The following PARN variants were observed in gnomAD, a reference collection of about 807,000 sequenced individuals.
The protein encoded by PARN is poly(A)-specific ribonuclease PARN.
A neutral mutation model predicts 102.8 loss-of-function variants in PARN; 71 were observed. The ratio of observed to expected loss-of-function variants is 0.69; its 90% CI spans 0.57 to 0.84. The LOEUF (loss-of-function observed/expected upper bound fraction) is 0.84, where lower values mean the gene tolerates loss of function less well. Among genes scored for constraint, PARN ranks in the 40% least tolerant of loss-of-function variants. The probability of loss-of-function intolerance (pLI) is 0.00; values close to 1 mark genes in which losing one functional copy is unlikely to be tolerated. For missense variants in PARN, 782 were observed against 760.9 expected, an observed-to-expected ratio of 1.03 and a Z score of -0.33; for synonymous variants, 261 against 252.9, an observed-to-expected ratio of 1.03 and a Z score of -0.30.
intron 6 of PARN, 28 bp from the exon 7 acceptor site, chr16:14,610,837 T>A (rs905070625): frequency 6.9e-7 from 1 of 1,452,482 alleles, no homozygotes; most frequent in African/African-American, 1.4e-5. Flanking sequence ...AAGAATGCAT[T>A]AGCAGAAGTA....
chr16:14,629,727 G>T, intron 1 of PARN, 53 bp from the exon 2 acceptor site: 1 of 1,366,454 alleles, frequency 7.3e-7, no homozygotes, highest in Non-Finnish European at 1.0e-6. Flanking sequence ...TTCCTGCTAA[G>T]GGGAGAGGGA....
At chr16:14,560,156 T>C (rs1967962721) in intron 18 of PARN, among the ~76,000 whole-genome samples, 2 of 152,174 alleles carry the variant, frequency 1.3e-5, no homozygotes, top group South Asian at 4.1e-4. Context: ...AACTTGACAG[T>C]TTTCATCCTA....
chr16:14,456,941 A>G (rs561923937), intron 22 of PARN, among the ~76,000 whole-genome samples: 23 of 151,912 alleles, frequency 1.5e-4, no homozygotes, highest in African/African-American at 2.7e-4. Context: ...TTACTTATCT[A>G]TTCTCTCTCT....
chr16:14,479,956 T>C (rs1963288733), intron 22 of PARN, among the ~76,000 whole-genome samples: 1 of 149,196 alleles, frequency 6.7e-6, no homozygotes. Context: ...ACTGCAACCT[T>C]AGGGTAGACA....
rs1441379884 is a variant in PARN, at chr16:14,446,937, C to G, written c.1815G>C (p.Arg605Ser). ...DSCAEPLSEG[R>S]KKAKKLKRMK... ...TTCTTTTTAATTTCTTGGCCTTTTT[C>G]CTTCCCTCTGAGAGGGGCTCTGCAC... Residue 605 changes from arginine to serine, a missense_variant, in exon 23 of 24, where the codon AGG becomes AGC. Arg to Ser is a moderately radical substitution (Grantham distance 110, BLOSUM62 -1). Transcript: ENST00000437198. 6.2e-7 allele frequency: 1 copy of G among 1,612,948 alleles called. No homozygotes were observed. Among genetic ancestry groups the G allele is most frequent in the Non-Finnish European group, 8.5e-7 (1 of 1,179,550 alleles).
chr16:14,471,271 G>C (rs1008929330), intron 22 of PARN, among the ~76,000 whole-genome samples: 3 of 152,014 alleles, frequency 2.0e-5, no homozygotes, highest in Non-Finnish European at 4.4e-5. Flanking sequence ...AGATCTAAAA[G>C]GCATTTTAAT....
chr16:14,565,338 T>C (rs564390782), intron 18 of PARN, among the ~76,000 whole-genome samples: 16 of 150,924 alleles, frequency 1.1e-4, no homozygotes, highest in Non-Finnish European at 2.1e-4. Flanking sequence ...TTTTGACAAA[T>C]AGAGCGTTAC....
chr16:14,468,393 T>G (rs1286614845), intron 22 of PARN, among the ~76,000 whole-genome samples: 2 of 152,158 alleles, frequency 1.3e-5, no homozygotes, highest in South Asian at 2.1e-4. Flanking sequence ...CGGTCCATGT[T>G]TTTAGAGAAG....
At chr16:14,535,123 C>T (rs1456713413) in intron 21 of PARN, among the ~76,000 whole-genome samples, 3 of 152,156 alleles carry the variant, frequency 2.0e-5, no homozygotes, top group South Asian at 4.1e-4. Flanking sequence ...CGTGAGCCAT[C>T]GCACCCTGGC....
At chr16:14,522,959 G>A (rs1226780142) in intron 21 of PARN, among the ~76,000 whole-genome samples, 1 of 152,038 alleles carries the variant, frequency 6.6e-6, no homozygotes, top group Non-Finnish European at 1.5e-5. Context: ...TCAGACTAAA[G>A]AAAAGCAAAT....
intron 6 of PARN, among the ~76,000 whole-genome samples, chr16:14,613,455 C>T (rs1444448065): frequency 6.6e-6 from 1 of 152,104 alleles, no homozygotes; most frequent in Non-Finnish European, 1.5e-5. Context: ...AACCCTCTCT[C>T]TACCAAAAAG....
At chr16:14,571,890 C>T (rs962171860) in intron 18 of PARN, among the ~76,000 whole-genome samples, 5 of 152,186 alleles carry the variant, frequency 3.3e-5, no homozygotes, top group Non-Finnish European at 7.3e-5. Context: ...TACTACGCTC[C>T]ACAAGATCCT....
At chr16:14,444,532 T>C (rs1422740720) in intron 23 of PARN, among the ~76,000 whole-genome samples, 1 of 152,178 alleles carries the variant, frequency 6.6e-6, no homozygotes, top group Non-Finnish European at 1.5e-5. Flanking sequence ...TTATTAGTTA[T>C]TTTAATTTTA....
intron 21 of PARN, among the ~76,000 whole-genome samples, chr16:14,508,692 A>G (rs1965027773): frequency 6.6e-6 from 1 of 151,826 alleles, no homozygotes; most frequent in South Asian, 2.1e-4. Flanking sequence ...GACAATTTCC[A>G]ACATTTGATA....
chr16:14,486,430 C>G (rs772910179), intron 21 of PARN, among the ~76,000 whole-genome samples: 1 of 152,172 alleles, frequency 6.6e-6, no homozygotes, highest in Non-Finnish European at 1.5e-5. Flanking sequence ...AGGCTTGGGT[C>G]AATATTCCCC....
At chr16:14,491,732 A>G (rs1964067626) in intron 21 of PARN, among the ~76,000 whole-genome samples, 1 of 152,216 alleles carries the variant, frequency 6.6e-6, no homozygotes, top group South Asian at 2.1e-4. Context: ...AGACTGCACC[A>G]CTATATTCCA....
intron 12 of PARN, among the ~76,000 whole-genome samples, chr16:14,599,294 C>A (rs373455041): frequency 6.6e-6 from 1 of 152,120 alleles, no homozygotes; most frequent in Non-Finnish European, 1.5e-5. Context: ...CCATCCTTAT[C>A]GGCCTCCCGA....
At position 14,593,190 on chromosome 16, in the gene PARN, C is replaced by G. The variant is rs1198464372; in HGVS notation, c.918+111G>C. On this transcript the variant is annotated intron_variant, in intron 13 of 23. Transcript: ENST00000437198. The stretch of plus-strand genomic sequence containing the variant: ...ATTCTCTCTGGGAACATGCTGCATA[C>G]AAGGAAATGGCACCCAAGTAGAGGA... The G allele has an allele frequency of 7.9e-6, 5 of 631,738 alleles. No homozygotes were observed. The Admixed American group carries it at 1.4e-4, about 18-fold the overall frequency. 39.1% of individuals were successfully genotyped at this position (631,738 alleles called of 1,614,324 possible).
At chr16:14,610,357 C>T (rs774536755) in intron 7 of PARN, among the ~76,000 whole-genome samples, 1 of 151,688 alleles carries the variant, frequency 6.6e-6, no homozygotes, top group Non-Finnish European at 1.5e-5. Flanking sequence ...CCTATAATCC[C>T]AGCTACTCTG....
Sources: gnomAD v4.1 joint callset for allele counts (sites outside exome capture counted in the v4.1 genomes callset) on GRCh38, gnomAD v4.1.1 for gene constraint, MANE v1.5 for transcripts, NCBI Gene and HGNC (gene_info 2026-07-23, HGNC 2026-07-21) for gene names.